C12orf57: variants seen among roughly 807,000 people sequenced by gnomAD.
The protein encoded by C12orf57 is protein C10.
In C12orf57, 14 loss-of-function variants were observed where a neutral mutation model predicts 11.3. That is an observed-to-expected ratio of 1.24 (90% confidence interval 0.82 to 1.94). The LOEUF (loss-of-function observed/expected upper bound fraction) is 1.94. Among genes scored for constraint, C12orf57 ranks in the 30% most tolerant of loss-of-function variants. C12orf57 has a pLI of 0.00. For missense variants in C12orf57, 229 were observed against 172.4 expected (o/e 1.33, Z -1.84); for synonymous variants, 100 against 74.6 (o/e 1.34, Z -1.76).
Position 6,944,615 on chromosome 12 carries a change from G to C in C12orf57, c.192G>C (p.Glu64Asp), listed in dbSNP as rs1555146059. The change falls in exon 2 of 3, where the codon GAG becomes GAC. Residue 64 changes from glutamate (E) to aspartate (D), a missense_variant. Glu to Asp is a conservative substitution (Grantham distance 45). Transcript: ENST00000229281. The stretch of plus-strand genomic sequence containing the variant: ...CCGTGGCCACGCAGATCCAGCAGGA[G>C]GTTATCAAAGCCTATGGCTTCAGCT... The part of the protein sequence containing the change: ...VLPVATQIQQ[E>D]VIKAYGFSCD... 1.9e-6 allele frequency: 3 copies of C among 1,614,012 alleles called. No individual in the cohort carries two copies. The African/African-American group carries it at 4.0e-5, about 22-fold the overall frequency.
upstream of C12orf57, chr12:6,943,450 C>T (rs782088017): frequency 1.7e-6 from 2 of 1,175,012 alleles, no homozygotes; most frequent in African/African-American, 1.6e-5. Flanking sequence ...GGAAATCGGG[C>T]CGGGCATTAG....
upstream of C12orf57, chr12:6,943,966 G>C (rs369122675): frequency 8.5e-5 from 132 of 1,544,832 alleles, no homozygotes; most frequent in East Asian, 4.3e-4. Flanking sequence ...TTGTAAGCTT[G>C]GGGTATGAAG....
At chr12:6,943,918 T>G (rs367679621), upstream of C12orf57, 13 of 1,265,592 alleles carry the variant, frequency 1.0e-5, no homozygotes, top group South Asian at 1.0e-4. Flanking sequence ...GTTTTCACTG[T>G]GCAAAAATTA....
rs1469680293 is a variant in C12orf57 at position 6,945,959 on chromosome 12, A to G, written c.*37A>G. On this transcript the variant is annotated 3_prime_UTR_variant, in exon 3 of 3. Transcript: ENST00000229281. ...CCCTTGTGCCACTGCCAGGGGAGGA[A>G]AGGCCTTGATGTTCCAGACAATAAT... The G allele has an allele frequency of 2.5e-6, 4 of 1,593,478 alleles. No individual in the cohort carries two copies. The highest frequency in any genetic ancestry group is 1.3e-5 in the African/African-American group (1 of 74,564).
upstream of C12orf57, chr12:6,944,007 C>G (rs190605659): frequency 2.0e-5 from 32 of 1,597,392 alleles, no homozygotes; most frequent in Middle Eastern, 1.7e-4. Context: ...CTTCCGGCTG[C>G]GCCGGATGCT....
rs782376245 is a variant in C12orf57 at position 6,945,796 on chromosome 12, C to T, written c.255C>T (p.Val85=). The T allele has an allele frequency of 6.2e-7, 1 of 1,613,776 alleles. No individual in the cohort carries two copies. The highest frequency in any genetic ancestry group is 1.3e-5 in the African/African-American group (1 of 74,996). Residue 85 remains valine, a synonymous_variant, in exon 3 of 3, where the codon GTC becomes GTT. Coordinates refer to ENST00000229281, the MANE Select transcript of C12orf57 (RefSeq NM_138425.4). ...GTGTCCTTAAGTTTGCTCGCTTGGT[C>T]AAGTCCTACGAAGCCCAGGATCCTG... ...GEGVLKFARL[V]KSYEAQDPEI...
chr12:6,943,830 T>A, upstream of C12orf57: 1 of 868,710 alleles, frequency 1.2e-6, no homozygotes, highest in Non-Finnish European at 1.6e-6. Flanking sequence ...GTTACAGCTC[T>A]TTTAGAATTT....
chr12:6,945,753 T>A lies in C12orf57; in HGVS notation c.230-18T>A. ...CTGGTCCTTAGGAGAAGGGTTGACCTTCCACTCCCTCTTGCAGGTGTCCTT... is the reference window on the plus strand; with the variant it reads ...CTGGTCCTTAGGAGAAGGGTTGACCATCCACTCCCTCTTGCAGGTGTCCTT... On this transcript the variant is annotated intron_variant, in intron 2 of 2. Transcript: ENST00000229281. 1.6e-5 allele frequency: 25 copies of A among 1,612,696 alleles called. No individual in the cohort carries two copies. Among genetic ancestry groups the A allele is most frequent in the Non-Finnish European group, 2.1e-5 (25 of 1,179,430 alleles).
At position 6,944,202 on chromosome 12, in the gene C12orf57, C is replaced by T. The variant is rs782226104; in HGVS notation, c.52+29C>T. The T allele has an allele frequency of 2.2e-5, 34 of 1,565,730 alleles. No homozygotes were observed. In the South Asian group the frequency reaches 2.7e-4, roughly 13 times the overall value. The stretch of plus-strand genomic sequence containing the variant: ...AGAATCGTCCTAGTCAAGGCATAGG[C>T]TGCTGGCCTGGGGTAGTCAAGGCAT... On this transcript the variant is annotated intron_variant, in intron 1 of 2. Transcript: ENST00000229281.
intron 2 of C12orf57, among the ~76,000 whole-genome samples, chr12:6,945,372 G>C (rs781969258): frequency 2.0e-5 from 3 of 152,212 alleles, no homozygotes; most frequent in Non-Finnish European, 2.9e-5. Context: ...GTTTGGGGGG[G>C]GTTGGTGGTT....
chr12:6,943,875 C>CCCT (rs1373545851), upstream of C12orf57: 11 of 974,490 alleles, frequency 1.1e-5, no homozygotes, highest in East Asian at 2.9e-4. Context: ...ACCGGAAAGC[C>CCCT]CCTCTTATGA....
At chr12:6,944,980 G>C (rs1945764160) in intron 2 of C12orf57, 2 of 801,264 alleles carry the variant, frequency 2.5e-6, no homozygotes, top group South Asian at 2.8e-5. Flanking sequence ...AAATTGTTTT[G>C]TTTCATATAC....
intron 1 of C12orf57, 140 bp downstream of exon 1, chr12:6,944,313 C>T (rs2049768490): frequency 2.5e-6 from 4 of 1,578,352 alleles, no homozygotes; most frequent in Middle Eastern, 2.2e-4. Context: ...GTAGGGGACG[C>T]CGGGTACCGT....
chr12:6,943,561 A>G, upstream of C12orf57: 1 of 1,289,446 alleles, frequency 7.8e-7, no homozygotes. Context: ...CTTAACAACA[A>G]CGAAGGGGCT....
intron 2 of C12orf57, chr12:6,945,003 C>T: frequency 1.8e-6 from 1 of 561,162 alleles, no homozygotes; most frequent in Non-Finnish European, 2.8e-6. Context: ...GCACCTTATG[C>T]ACATAGCCTG....
At chr12:6,945,743 AG>A (rs1945789357) in intron 2 of C12orf57, 27 bp from the exon 3 acceptor site, 2 of 1,611,358 alleles carry the variant, frequency 1.2e-6, no homozygotes, top group Non-Finnish European at 1.7e-6. Context: ...CCTTAGGAGA[AG>A]GGTTGACCTT....
intron 1 of C12orf57, 70 bp from the exon 2 acceptor site, chr12:6,944,406 T>G (rs782223435): frequency 6.4e-7 from 1 of 1,570,456 alleles, no homozygotes; most frequent in African/African-American, 1.4e-5. Flanking sequence ...CCTTGCGCTC[T>G]CCGCTGGGCC....
chr12:6,943,701 A>G, upstream of C12orf57: 1 of 1,280,838 alleles, frequency 7.8e-7, no homozygotes, highest in Middle Eastern at 2.1e-4. Flanking sequence ...ACTGAAAGTT[A>G]CCACATGCGT....
chr12:6,943,941 G>C (rs112228671), upstream of C12orf57: 103 of 1,425,064 alleles, frequency 7.2e-5, no homozygotes, highest in Admixed American at 2.4e-3. Flanking sequence ...GGTAGTTTTG[G>C]TGGTCTTGAT....
Sources: gnomAD v4.1 joint callset for allele counts (sites outside exome capture counted in the v4.1 genomes callset) on GRCh38, gnomAD v4.1.1 for gene constraint, MANE v1.5 for transcripts, NCBI Gene and HGNC (gene_info 2026-07-23, HGNC 2026-07-21) for gene names.